Variants in METAP2 observed in about 807,000 individuals in gnomAD.
METAP2 encodes the protein methionyl aminopeptidase 2.
Under a neutral mutation model 59.4 loss-of-function variants are expected in METAP2, and 25 were observed. That is an observed-to-expected ratio of 0.42 (90% CI 0.31 to 0.59). The LOEUF is 0.59. Among genes scored for constraint, METAP2 ranks in the 20% least tolerant of loss-of-function variants. The pLI is 0.16. For missense variants in METAP2, 366 were observed against 581.2 expected, an observed-to-expected ratio of 0.63 and a Z score of 3.81; for synonymous variants, 214 against 194.1, an observed-to-expected ratio of 1.10 and a Z score of -0.85.
Position 95,476,113 on chromosome 12 carries a change from A to T in METAP2, c.194A>T (p.Asp65Val), listed in dbSNP as rs748153343. 4 of 1,612,678 alleles carry T rather than the reference A, an allele frequency of 2.5e-6. No individual in the cohort carries two copies. In the South Asian group the frequency reaches 4.4e-5, roughly 18 times the overall value. Residue 65 changes from aspartate to valine, a missense_variant, in exon 2 of 11, where the codon GAT becomes GTT. Around this residue, in one of 4 missense-constraint regions of METAP2, gnomAD observed 177 missense variants for 180.3 expected, o/e 0.98. Transcript: ENST00000323666. ...GATAAAGAATCAGGAGCCTCAGTGG[A>T]TGAAGTAGCAAGACAGTTGGAAAGA... ...EPDKESGASV[D>V]EVARQLERSA...
At chr12:95,491,271 TTGA>T (rs1366869742) in intron 4 of METAP2, among the ~76,000 whole-genome samples, 2 of 152,172 alleles carry the variant, frequency 1.3e-5, no homozygotes, top group Non-Finnish European at 2.9e-5. Flanking sequence ...TTAATATCCA[TTGA>T]TGATCCTTGC....
At chr12:95,513,066 A>G (rs1042931333) in intron 10 of METAP2, 150 bp downstream of exon 10, 6 of 558,138 alleles carry the variant, frequency 1.1e-5, no homozygotes, top group Non-Finnish European at 1.6e-5. Flanking sequence ...ATAGCCTGTT[A>G]AACATTTTAA....
chr12:95,476,043 T>G, intron 1 of METAP2, 28 bp from the exon 2 acceptor site: 1 of 1,399,126 alleles, frequency 7.1e-7, no homozygotes, highest in South Asian at 1.2e-5. Context: ...TGTATTAGAT[T>G]TGATTTCTGC....
rs117844578 is a variant in METAP2, at chr12:95,512,456, C to T, written c.1069-345C>T. 1.7e-3 allele frequency among the ~76,000 whole-genome samples: 263 copies of T among 152,238 alleles called. 3 individuals carry two copies. The East Asian group carries it at 0.047, about 27-fold the overall frequency. On this transcript the variant is annotated intron_variant, in intron 9 of 10. Transcript: ENST00000323666. ...GCTCGGTAGCTCAGGCCTGTTAATCCCAGCACTTTGAGACACCAAGGCAGG... is the reference window on the plus strand; with the variant it reads ...GCTCGGTAGCTCAGGCCTGTTAATCTCAGCACTTTGAGACACCAAGGCAGG...
rs2076433816 is a variant in METAP2 at position 95,514,780 on chromosome 12, A to C, written c.*876A>C. On this transcript the variant is annotated 3_prime_UTR_variant, in exon 11 of 11. Transcript: ENST00000323666. ...ACAAAAGCAAAGAAGAAAAAAAAAAACTTCCCATGTTTGGATCTTGTTCTA... is the reference window on the plus strand; with the variant it reads ...ACAAAAGCAAAGAAGAAAAAAAAAACCTTCCCATGTTTGGATCTTGTTCTA... 1 of 152,252 alleles carries C rather than the reference A, an allele frequency of 6.6e-6. No individual in the cohort carries two copies. Among genetic ancestry groups the C allele is most frequent in the Admixed American group, 6.5e-5 (1 of 15,298 alleles). 9.4% of individuals were successfully genotyped at this position (152,252 alleles called of 1,614,324 possible).
Position 95,495,985 on chromosome 12 carries a change from G to C in METAP2, c.773-19G>C. On this transcript the variant is annotated intron_variant, in intron 6 of 10. Coordinates refer to ENST00000323666, the MANE Select transcript of METAP2 (RefSeq NM_006838.4). ...GACTAGCTGATAAGTAAAATTAAAA[G>C]AGGAATTTTCTCTTTCAGGTAGGAT... 7.0e-7 allele frequency: 1 copy of C among 1,427,624 alleles called. No individual in the cohort carries two copies. The highest frequency in any genetic ancestry group is 9.8e-7 in the Non-Finnish European group (1 of 1,023,984). The allele number at this position is 1,427,624 out of a possible 1,614,324, so 88.4% of individuals were successfully genotyped here.
intron 8 of METAP2, among the ~76,000 whole-genome samples, chr12:95,508,730 GT>G (rs1223394274): frequency 1.3e-5 from 2 of 152,106 alleles, no homozygotes; most frequent in African/African-American, 4.8e-5. Context: ...GTAGGTGACA[GT>G]TTGACTTAAT....
chr12:95,488,511 CAAAAAAAAAAA>C (rs537119415), intron 4 of METAP2, among the ~76,000 whole-genome samples: 100 of 76,552 alleles, frequency 1.3e-3, no homozygotes, highest in Middle Eastern at 0.014. Context: ...TTTGTCTCAC[CAAAAAAAAAAA>C]AAAAAAAAAA....
intron 4 of METAP2, 151 bp downstream of exon 4, chr12:95,486,132 C>A: frequency 1.8e-6 from 1 of 567,612 alleles, no homozygotes; most frequent in South Asian, 2.4e-5. Context: ...CCCTCTTATC[C>A]AAAATGATTG....
intron 1 of METAP2, among the ~76,000 whole-genome samples, chr12:95,475,070 A>G (rs958155403): frequency 1.3e-5 from 2 of 152,188 alleles, no homozygotes; most frequent in African/African-American, 4.8e-5. Flanking sequence ...TAAGGCAAGG[A>G]GAACTGCTGA....
Position 95,494,990 on chromosome 12 carries a change from A to G in METAP2, c.624A>G (p.Ile208Met). The change falls in exon 6 of 11, where the codon ATA becomes ATG. Residue 208 changes from isoleucine (I) to methionine (M), a missense_variant. Transcript: ENST00000323666. ...TGGAAGACTGTTCACGCAAGTTAAT[A>G]AAAGAGAATGGATTAAATGCAGGCC... The part of the protein sequence containing the change: ...EKLEDCSRKL[I>M]KENGLNAGLA... 2 of 1,613,624 alleles carry G rather than the reference A, an allele frequency of 1.2e-6. No homozygotes were observed. The highest frequency in any genetic ancestry group is 8.5e-7 in the Non-Finnish European group (1 of 1,179,744).
rs530522364 is a variant in METAP2 at position 95,505,617 on chromosome 12, C to T, written c.964+1456C>T. On this transcript the variant is annotated intron_variant, in intron 8 of 10. Coordinates refer to ENST00000323666, the MANE Select transcript of METAP2 (RefSeq NM_006838.4). Reference sequence around the variant, plus strand: ...TCAAGCCATTCTCCTACCTCAGCCTCCTGAGTAGCTGAGATTACAGACGTG... The same window carrying T: ...TCAAGCCATTCTCCTACCTCAGCCTTCTGAGTAGCTGAGATTACAGACGTG... Among the ~76,000 whole-genome samples the T allele has an allele frequency of 5.3e-5, 8 of 152,220 alleles. No individual in the cohort carries two copies. The East Asian group carries it at 1.6e-3, about 30-fold the overall frequency.
At chr12:95,500,498 A>G (rs2076307662) in intron 7 of METAP2, among the ~76,000 whole-genome samples, 1 of 152,148 alleles carries the variant, frequency 6.6e-6, no homozygotes, top group African/African-American at 2.4e-5. Context: ...ATCTTTGACC[A>G]TTGAGTATGA....
At position 95,513,745 on chromosome 12, in the gene METAP2, T is replaced by C. The variant is rs1291856083; in HGVS notation, c.1278T>C (p.Ser426=). The change falls in exon 11 of 11, where the codon AGT becomes AGC. Residue 426 remains serine, a synonymous_variant. Coordinates refer to ENST00000323666, the MANE Select transcript of METAP2 (RefSeq NM_006838.4). ...CRRWLDRLGE[S]KYLMALKNLC... ...GATGGCTGGATCGCTTGGGAGAAAGTAAATACTTGATGGCTCTGAAGAATC... is the reference window on the plus strand; with the variant it reads ...GATGGCTGGATCGCTTGGGAGAAAGCAAATACTTGATGGCTCTGAAGAATC... 3 of 1,614,128 alleles carry C rather than the reference T, an allele frequency of 1.9e-6. No individual in the cohort carries two copies. In the African/African-American group the frequency reaches 4.0e-5, roughly 22 times the overall value.
chr12:95,480,759 A>G (rs1172267884), intron 2 of METAP2, among the ~76,000 whole-genome samples: 1 of 152,198 alleles, frequency 6.6e-6, no homozygotes, highest in Non-Finnish European at 1.5e-5. Context: ...CAAGTTCTTT[A>G]TCAGATAATA....
intron 3 of METAP2, chr12:95,484,776 T>A (rs7978914): frequency 0.25 from 110,038 of 432,302 alleles, 16,450 homozygotes; most frequent in Admixed American, 0.49. Context: ...CTGTTTCATC[T>A]CAGAACCATT....
intron 9 of METAP2, 73 bp from the exon 10 acceptor site, chr12:95,512,726 GAA>G: frequency 1.2e-6 from 1 of 814,146 alleles, no homozygotes; most frequent in Non-Finnish European, 2.0e-6. Flanking sequence ...GAGAGAGAGA[GAA>G]AGAGAGATGG....
At chr12:95,483,167 C>A in intron 2 of METAP2, 48 bp from the exon 3 acceptor site, 1 of 1,432,482 alleles carries the variant, frequency 7.0e-7, no homozygotes, top group Non-Finnish European at 9.9e-7. Context: ...CTTTGTCCCT[C>A]TGCTTATGAG....
At chr12:95,504,214 T>G in intron 8 of METAP2, 53 bp downstream of exon 8, 1 of 1,277,942 alleles carries the variant, frequency 7.8e-7, no homozygotes, top group Non-Finnish European at 1.1e-6. Flanking sequence ...CAAACTATTG[T>G]CGAGTGTTTT....
Sources: allele counts gnomAD v4.1 joint callset (sites outside exome capture counted in the v4.1 genomes callset), GRCh38; gene constraint gnomAD v4.1.1; regional missense constraint gnomAD v4.1.1; transcripts MANE v1.5; gene names NCBI Gene and HGNC (gene_info 2026-07-23, HGNC 2026-07-21).